Variants in LDLRAD4 observed in about 807,000 individuals in gnomAD.
LDLRAD4 encodes the protein low-density lipoprotein receptor class A domain-containing protein 4.
A neutral mutation model predicts 17.0 loss-of-function variants in LDLRAD4; 5 were observed. The ratio of observed to expected loss-of-function variants is 0.29; its 90% CI spans 0.15 to 0.62. The LOEUF (loss-of-function observed/expected upper bound fraction) is 0.62. Among genes scored for constraint, LDLRAD4 ranks in the 20% least tolerant of loss-of-function variants. The probability of loss-of-function intolerance (pLI) is 0.84; values close to 1 mark genes in which losing one functional copy is unlikely to be tolerated. For synonymous variants in LDLRAD4, 168 were observed against 171.8 expected (o/e 0.98, Z 0.17); for missense variants, 340 against 424.7 (o/e 0.80, Z 1.75).
chr18:13,468,672 A>C (rs2092689215), intron 3 of LDLRAD4, among the ~76,000 whole-genome samples: 1 of 152,162 alleles, frequency 6.6e-6, no homozygotes, highest in Non-Finnish European at 1.5e-5. Flanking sequence ...ATACAGCCAT[A>C]AAAAATGATG....
intron 3 of LDLRAD4, among the ~76,000 whole-genome samples, chr18:13,450,334 CCCCA>C (rs2091741917): frequency 3.2e-5 from 4 of 124,980 alleles, no homozygotes; most frequent in African/African-American, 1.2e-4. Context: ...CCACCCCCCC[CCCCA>C]AAAAAACACA....
At chr18:13,327,769 G>C (rs763377929) in intron 1 of LDLRAD4, among the ~76,000 whole-genome samples, 5 of 152,154 alleles carry the variant, frequency 3.3e-5, no homozygotes, top group Non-Finnish European at 4.4e-5. Context: ...CCACAGAGCA[G>C]GCTCTTTGAG....
At chr18:13,262,183 C>T (rs60494584) in intron 1 of LDLRAD4, among the ~76,000 whole-genome samples, 674 of 54,310 alleles carry the variant, frequency 0.012, no homozygotes, top group Middle Eastern at 0.05. Flanking sequence ...CCCGTGTGGC[C>T]CTGTGCATGG....
chr18:13,243,929 CTCTA>C (rs2042815242), intron 1 of LDLRAD4, among the ~76,000 whole-genome samples: 1 of 132,404 alleles, frequency 7.6e-6, no homozygotes, highest in African/African-American at 2.8e-5. Flanking sequence ...GCACCCATTT[CTCTA>C]TCCATCCACC....
intron 1 of LDLRAD4, among the ~76,000 whole-genome samples, chr18:13,348,122 C>T (rs573572722): frequency 5.4e-4 from 83 of 152,306 alleles, no homozygotes; most frequent in Non-Finnish European, 1.0e-3. Flanking sequence ...TGAGGAGCTG[C>T]GTTCCTTTGA....
At chr18:13,253,245 G>T (rs2043320978) in intron 1 of LDLRAD4, among the ~76,000 whole-genome samples, 1 of 152,032 alleles carries the variant, frequency 6.6e-6, no homozygotes, top group Admixed American at 6.6e-5. Flanking sequence ...TGGGGTGGGG[G>T]GTGTGAGGCT....
At position 13,645,486 on chromosome 18, in the gene LDLRAD4, G is replaced by A. The variant is rs769433888; in HGVS notation, c.750G>A (p.Gly250=). Residue 250 remains glycine, a synonymous_variant, in exon 6 of 6, where the codon GGG becomes GGA. Transcript: ENST00000359446. The surrounding 1 kb of genome is among the most constrained non-coding windows in gnomAD (Gnocchi z 5.7). ...GCAGCAGTAACGGGAGGATGGAGGG[G>A]CCACCCCCCACATACAGCGAGGTGA... The A allele has an allele frequency of 6.2e-7, 1 of 1,610,882 alleles. No homozygotes were observed. The highest frequency in any genetic ancestry group is 8.5e-7 in the Non-Finnish European group (1 of 1,178,284).
At position 13,300,138 on chromosome 18, in the gene LDLRAD4, A is replaced by G. The variant is rs569644994; in HGVS notation, c.-383+21950A>G. 1.3e-5 allele frequency among the ~76,000 whole-genome samples: 2 copies of G among 152,080 alleles called. No homozygotes were observed. Among genetic ancestry groups the G allele is most frequent in the Non-Finnish European group, 2.9e-5 (2 of 68,004 alleles). On this transcript the variant is annotated intron_variant, in intron 1 of 5. Transcript: ENST00000359446. The surrounding 1 kb of genome is among the most constrained non-coding windows in gnomAD (Gnocchi z 4.2). ...ACACATCTTGGTTCCTGCAAATTCC[A>G]TGCCCCAGCCTGGCTTCCGGTTCCT...
rs71174166 is a variant in LDLRAD4, at chr18:13,226,180, CTTTTT to C, written c.-467+7209_-467+7213del. Among the ~76,000 whole-genome samples, 8 of 52,190 alleles carry C rather than the reference CTTTTT, an allele frequency of 1.5e-4. 1 individual carries two copies. The highest frequency in any genetic ancestry group is 3.9e-4 in the African/African-American group (5 of 12,822). The allele number at this position is 52,190 out of a possible 152,430, so 34.2% of individuals were successfully genotyped here. On this transcript the variant is annotated intron_variant, in intron 1 of 5. Coordinates refer to the LDLRAD4 transcript ENST00000399848. ...GGACTACAGATGCTGCCATGCCTTG[CTTTTT>C]TTTTTTTTTTTTTTTTGTAGAGACC...
intron 2 of LDLRAD4, among the ~76,000 whole-genome samples, chr18:13,399,106 C>G (rs2086941052): frequency 6.6e-6 from 1 of 152,010 alleles, no homozygotes; most frequent in African/African-American, 2.4e-5. Flanking sequence ...CCTGGCTACT[C>G]AGGAGGCTTG....
chr18:13,491,943 C>T (rs1207717001), intron 3 of LDLRAD4, among the ~76,000 whole-genome samples: 1 of 152,232 alleles, frequency 6.6e-6, no homozygotes, highest in Non-Finnish European at 1.5e-5. Flanking sequence ...GCGCTTCCAT[C>T]ATTCAATTGA....
At chr18:13,292,136 C>G (rs1273721539) in intron 1 of LDLRAD4, among the ~76,000 whole-genome samples, 1 of 152,180 alleles carries the variant, frequency 6.6e-6, no homozygotes, top group Non-Finnish European at 1.5e-5. Context: ...TGCCGGCTGT[C>G]TGGCTGTGGG....
chr18:13,238,709 T>C (rs1465731122), intron 1 of LDLRAD4, among the ~76,000 whole-genome samples: 1 of 152,172 alleles, frequency 6.6e-6, no homozygotes, highest in African/African-American at 2.4e-5. Flanking sequence ...AGAGACTCAA[T>C]ACCTGGGAGG....
At chr18:13,249,617 A>G (rs147793163) in intron 1 of LDLRAD4, among the ~76,000 whole-genome samples, 4 of 151,330 alleles carry the variant, frequency 2.6e-5, no homozygotes, top group East Asian at 3.9e-4. Context: ...TGCTGTTGAA[A>G]TGTTTGAGTT....
chr18:13,474,570 G>T (rs765233434), intron 3 of LDLRAD4, among the ~76,000 whole-genome samples: 2 of 152,220 alleles, frequency 1.3e-5, no homozygotes, highest in Non-Finnish European at 2.9e-5. Flanking sequence ...GGTGGGTCTT[G>T]CTCCCTTCCT....
intron 3 of LDLRAD4, chr18:13,514,381 T>C (rs750344011): frequency 5.9e-5 from 9 of 152,214 alleles, no homozygotes; most frequent in Non-Finnish European, 1.3e-4. Context: ...ATAATAAATA[T>C]ACAACAGATA....
intron 1 of LDLRAD4, among the ~76,000 whole-genome samples, chr18:13,320,082 C>T (rs1381518584): frequency 1.3e-5 from 2 of 152,206 alleles, no homozygotes; most frequent in African/African-American, 2.4e-5. Context: ...TCATAGTTGA[C>T]TCCATCCTGA....
intron 2 of LDLRAD4, chr18:13,420,448 TAAC>T (rs1221265782): frequency 2.0e-5 from 3 of 152,224 alleles, no homozygotes; most frequent in Non-Finnish European, 4.4e-5. Flanking sequence ...CAGCACTAAA[TAAC>T]AGCCCCTGTC....
chr18:13,605,393 T>A (rs1471534787), intron 3 of LDLRAD4, among the ~76,000 whole-genome samples: 1 of 152,144 alleles, frequency 6.6e-6, no homozygotes, highest in Admixed American at 6.5e-5. Flanking sequence ...AATTTTTAAA[T>A]TTTTTTTGAA....
Sources: gnomAD v4.1 joint callset for allele counts (sites outside exome capture counted in the v4.1 genomes callset) on GRCh38, gnomAD v4.1.1 for gene constraint, Gnocchi (gnomAD v3.1) non-coding constraint, MANE v1.5 for transcripts, NCBI Gene and HGNC (gene_info 2026-07-23, HGNC 2026-07-21) for gene names.